The following GABRG3 variants were observed in gnomAD, a reference collection of about 807,000 sequenced individuals.
GABRG3 encodes gamma-aminobutyric acid receptor subunit gamma-3.
In GABRG3, 25 loss-of-function variants were observed where a neutral mutation model predicts 48.8. That is an observed-to-expected ratio of 0.51 (90% CI 0.37 to 0.72). GABRG3 has a LOEUF of 0.72. GABRG3 is among the 30% of genes least tolerant of loss of function. GABRG3 has a pLI of 0.00. For missense variants in GABRG3, 394 were observed against 577.9 expected (o/e 0.68, Z 3.26); for synonymous variants, 227 against 217.6 (o/e 1.04, Z -0.38).
At chr15:27,502,991 G>T (rs1890679071) in intron 6 of GABRG3, among the ~76,000 whole-genome samples, 1 of 152,174 alleles carries the variant, frequency 6.6e-6, no homozygotes, top group African/African-American at 2.4e-5. Flanking sequence ...CTCTTACAGA[G>T]ACTTTATTAC....
chr15:27,308,069 T>G (rs1045387417), intron 3 of GABRG3, among the ~76,000 whole-genome samples: 7 of 122,840 alleles, frequency 5.7e-5, no homozygotes. Context: ...TATATAAACA[T>G]ATATGTTTAT....
intron 5 of GABRG3, among the ~76,000 whole-genome samples, chr15:27,388,720 G>A (rs564008193): frequency 3.3e-5 from 5 of 152,238 alleles, no homozygotes; most frequent in East Asian, 3.9e-4. Flanking sequence ...AGTGAGTCCA[G>A]ACAGACTCAG....
At chr15:27,370,017 C>A (rs2140555041) in intron 5 of GABRG3, among the ~76,000 whole-genome samples, 1 of 152,148 alleles carries the variant, frequency 6.6e-6, no homozygotes, top group African/African-American at 2.4e-5. Context: ...TGATTGCATA[C>A]CCCTTTTAGC....
At chr15:27,312,578 A>G (rs1893032791) in intron 3 of GABRG3, among the ~76,000 whole-genome samples, 1 of 152,134 alleles carries the variant, frequency 6.6e-6, no homozygotes, top group South Asian at 2.1e-4. Context: ...CACCCCCATA[A>G]AACTGTGAGT....
intron 5 of GABRG3, among the ~76,000 whole-genome samples, chr15:27,465,107 C>T (rs114801951): frequency 3.9e-5 from 6 of 152,306 alleles, no homozygotes; most frequent in East Asian, 1.9e-4. Flanking sequence ...CCAGCCTGCA[C>T]GGATCAAGGG....
chr15:27,352,261 C>G lies in GABRG3; in HGVS notation c.574+23373C>G, dbSNP rs552547758. Among the ~76,000 whole-genome samples the G allele has an allele frequency of 5.3e-5, 8 of 151,854 alleles. No individual in the cohort carries two copies. The East Asian group carries it at 1.6e-3, about 30-fold the overall frequency. On this transcript the variant is annotated intron_variant, in intron 5 of 9. Coordinates refer to ENST00000615808, the MANE Select transcript of GABRG3 (RefSeq NM_033223.5). The surrounding 1 kb of genome is among the most constrained non-coding windows in gnomAD (Gnocchi z 4.0). Reference sequence around the variant, plus strand: ...CAGACCGTTCAGCTAATCTCCGTCTCGCGCTCACTGTTCACAGCGTAAATC... The same window carrying G: ...CAGACCGTTCAGCTAATCTCCGTCTGGCGCTCACTGTTCACAGCGTAAATC...
chr15:27,529,176 G>A (rs1056324233), intron 9 of GABRG3, among the ~76,000 whole-genome samples: 1 of 152,068 alleles, frequency 6.6e-6, no homozygotes, highest in African/African-American at 2.4e-5. Flanking sequence ...CTACAAATGA[G>A]GAAATTAAAG....
chr15:27,431,317 G>A (rs748367567), intron 5 of GABRG3, among the ~76,000 whole-genome samples: 4 of 152,004 alleles, frequency 2.6e-5, no homozygotes, highest in East Asian at 1.9e-4. Context: ...TTTGTAACTC[G>A]CCTTTCAGAT....
At chr15:27,210,823 G>A (rs1339187114) in intron 3 of GABRG3, among the ~76,000 whole-genome samples, 1 of 152,196 alleles carries the variant, frequency 6.6e-6, no homozygotes, top group East Asian at 1.9e-4. Context: ...GGCGCTGTGT[G>A]AGCATTTTGC....
At chr15:27,020,540 T>C (rs1298591545) in intron 2 of GABRG3, among the ~76,000 whole-genome samples, 3 of 151,926 alleles carry the variant, frequency 2.0e-5, no homozygotes, top group Admixed American at 1.3e-4. Flanking sequence ...GCCTCCTGAG[T>C]AGCTGGGACT....
intron 3 of GABRG3, among the ~76,000 whole-genome samples, chr15:27,077,681 A>G (rs928640974): frequency 2.0e-5 from 3 of 151,994 alleles, no homozygotes; most frequent in African/African-American, 7.3e-5. Context: ...GGAAGCAACC[A>G]TTTTCTGAGA....
chr15:27,218,173 CT>C (rs1205897862), intron 3 of GABRG3, among the ~76,000 whole-genome samples: 1 of 152,112 alleles, frequency 6.6e-6, no homozygotes, highest in African/African-American at 2.4e-5. Flanking sequence ...GCTACCATGC[CT>C]GCCTAATTTT....
chr15:27,152,110 C>G (rs1898327556), intron 3 of GABRG3, among the ~76,000 whole-genome samples: 1 of 151,986 alleles, frequency 6.6e-6, no homozygotes, highest in African/African-American at 2.4e-5. Context: ...CTTAGTTTTC[C>G]TAAAGGTTTT....
At chr15:27,165,684 C>T (rs915763840) in intron 3 of GABRG3, among the ~76,000 whole-genome samples, 4 of 151,986 alleles carry the variant, frequency 2.6e-5, no homozygotes, top group African/African-American at 4.8e-5. Flanking sequence ...TAATTTAAGT[C>T]TGCCATGCAC....
At chr15:27,172,991 T>A (rs1887623598) in intron 3 of GABRG3, among the ~76,000 whole-genome samples, 1 of 152,136 alleles carries the variant, frequency 6.6e-6, no homozygotes, top group African/African-American at 2.4e-5. Context: ...AGCAGCAATT[T>A]GTACCCTGCG....
chr15:27,426,945 C>T (rs10152507), intron 5 of GABRG3, among the ~76,000 whole-genome samples: 7,469 of 152,260 alleles, frequency 0.049, 427 homozygotes, highest in East Asian at 0.2. Flanking sequence ...CATCTGGAAT[C>T]AGGCCTGTTA....
chr15:27,262,040 G>C (rs550444145), intron 3 of GABRG3, among the ~76,000 whole-genome samples: 21 of 152,254 alleles, frequency 1.4e-4, no homozygotes, highest in Admixed American at 8.5e-4. Context: ...CTTCCAGCCA[G>C]CCATGCTCTC....
chr15:27,010,884 C>T (rs1424316740), intron 2 of GABRG3, among the ~76,000 whole-genome samples: 1 of 152,086 alleles, frequency 6.6e-6, no homozygotes, highest in Non-Finnish European at 1.5e-5. Context: ...GTCACTTTGT[C>T]GCCCAGGGTG....
chr15:27,015,540 A>G (rs1335187715), intron 2 of GABRG3, among the ~76,000 whole-genome samples: 2 of 151,688 alleles, frequency 1.3e-5, no homozygotes, highest in Non-Finnish European at 2.9e-5. Flanking sequence ...GCCCACCACC[A>G]CACCTGGCTA....
Sources: allele counts gnomAD v4.1 joint callset (sites outside exome capture counted in the v4.1 genomes callset), GRCh38; gene constraint gnomAD v4.1.1; non-coding constraint Gnocchi (gnomAD v3.1); transcripts MANE v1.5; gene names NCBI Gene and HGNC (gene_info 2026-07-23, HGNC 2026-07-21).